AKAP9: variants seen among roughly 807,000 people sequenced by gnomAD.
AKAP9 encodes A-kinase anchoring protein 9.
AKAP9 carries 311 observed loss-of-function variants against 488.5 expected under a neutral mutation model. The observed-to-expected ratio is 0.64, with a 90% CI of 0.58 to 0.70. The LOEUF is 0.70. Ranked by LOEUF, AKAP9 falls within the 30% of genes least tolerant of loss-of-function variation. The probability of loss-of-function intolerance (pLI) is 0.00; values close to 1 mark genes in which losing one functional copy is unlikely to be tolerated. For synonymous variants in AKAP9, 1,462 were observed against 1,483.5 expected (o/e 0.99, Z 0.33); for missense variants, 4,215 against 4,374.5 (o/e 0.96, Z 1.03).
chr7:92,040,795 C>A lies in AKAP9; in HGVS notation c.4814C>A (p.Thr1605Lys). The change falls in exon 18 of 50, where the codon ACG becomes AAG. Residue 1605 changes from threonine to lysine, a missense_variant. Around this residue, in one of 5 missense-constraint regions of AKAP9, gnomAD observed 2,361 missense variants for 2,430.0 expected, o/e 0.97. Coordinates refer to ENST00000356239, the MANE Select transcript of AKAP9 (RefSeq NM_005751.5). ...VRQYQEHQQATELLRQAHMRQ... is the reference protein window; with the variant it reads ...VRQYQEHQQAKELLRQAHMRQ... ...CAATACCAAGAACATCAACAGGCAA[C>A]GGAATTGTTAAGGCAAGCACATATG... 6.2e-7 allele frequency: 1 copy of A among 1,613,644 alleles called. No homozygotes were observed. The highest frequency in any genetic ancestry group is 8.5e-7 in the Non-Finnish European group (1 of 1,179,966).
intron 22 of AKAP9, chr7:92,057,956 T>TA (rs930055817): frequency 8.5e-6 from 2 of 236,126 alleles, no homozygotes; most frequent in African/African-American, 2.2e-5. Context: ...GATAGAGACC[T>TA]AAGTTTTTTT....
chr7:92,040,082 A>G (rs11983077), intron 17 of AKAP9, among the ~76,000 whole-genome samples: 1,611 of 152,358 alleles, frequency 0.011, 25 homozygotes, highest in African/African-American at 0.037. Flanking sequence ...AATTATTTGT[A>G]TAAGTAACAT....
chr7:92,101,734 G>A (rs1817549319), intron 45 of AKAP9, among the ~76,000 whole-genome samples: 1 of 152,140 alleles, frequency 6.6e-6, no homozygotes, highest in Admixed American at 6.6e-5. Flanking sequence ...AGCCTCTCCG[G>A]TGACTAATAA....
At chr7:91,994,807 A>G (rs759369581) in intron 6 of AKAP9, 31 bp downstream of exon 6, 1 of 1,578,556 alleles carries the variant, frequency 6.3e-7, no homozygotes, top group Admixed American at 1.8e-5. Context: ...AAAATTCATT[A>G]TTTTTTTAGT....
At position 92,080,586 on chromosome 7, in the gene AKAP9, C is replaced by T. The variant is rs932811812; in HGVS notation, c.8019+434C>T. The stretch of plus-strand genomic sequence containing the variant: ...GCACACTCCAACCTGGGTGACAGAG[C>T]GAGACTCCATCTCAAAAAAAAAAAA... On this transcript the variant is annotated intron_variant, in intron 31 of 49. Coordinates refer to ENST00000356239, the MANE Select transcript of AKAP9 (RefSeq NM_005751.5). Among the ~76,000 whole-genome samples, 8 of 143,278 alleles carry T rather than the reference C, an allele frequency of 5.6e-5. 1 individual carries two copies. Among genetic ancestry groups the T allele is most frequent in the African/African-American group, 8.0e-5 (3 of 37,598 alleles). 94.0% of individuals were successfully genotyped at this position (143,278 alleles called of 152,430 possible).
intron 1 of AKAP9, among the ~76,000 whole-genome samples, chr7:91,969,077 A>G (rs1237837059): frequency 6.6e-6 from 1 of 151,904 alleles, no homozygotes; most frequent in Non-Finnish European, 1.5e-5. Flanking sequence ...AACCTGGGCA[A>G]CAAAGTGAAA....
chr7:91,955,470 A>G (rs1792869488), intron 1 of AKAP9, among the ~76,000 whole-genome samples: 1 of 152,166 alleles, frequency 6.6e-6, no homozygotes, highest in African/African-American at 2.4e-5. Flanking sequence ...TTGCTTTTCT[A>G]TACCACATAT....
At chr7:91,989,911 A>C (rs1359207515) in intron 3 of AKAP9, among the ~76,000 whole-genome samples, 1 of 152,052 alleles carries the variant, frequency 6.6e-6, no homozygotes, top group African/African-American at 2.4e-5. Context: ...ATGAGTTTTT[A>C]TGTGAAGGCC....
chr7:91,951,361 G>A (rs1200887727), intron 1 of AKAP9, among the ~76,000 whole-genome samples: 1 of 150,226 alleles, frequency 6.7e-6, no homozygotes, highest in African/African-American at 2.5e-5. Context: ...ATCTCACTCT[G>A]TTGCCCCAGC....
At chr7:92,097,443 T>C (rs998161120) in intron 41 of AKAP9, 86 bp downstream of exon 41, 2 of 1,537,890 alleles carry the variant, frequency 1.3e-6, no homozygotes, top group Non-Finnish European at 1.8e-6. Flanking sequence ...ATTAAATTAC[T>C]TAAATAGCTA....
intron 12 of AKAP9, among the ~76,000 whole-genome samples, chr7:92,018,393 A>C (rs1801815152): frequency 1.0e-5 from 1 of 96,360 alleles, no homozygotes; most frequent in Non-Finnish European, 2.1e-5. Flanking sequence ...TTCTAAAAAT[A>C]TAACACACAC....
At chr7:91,950,472 C>T (rs866825599) in intron 1 of AKAP9, among the ~76,000 whole-genome samples, 1 of 152,028 alleles carries the variant, frequency 6.6e-6, no homozygotes, top group African/African-American at 2.4e-5. Flanking sequence ...CCTCATGATC[C>T]GCCTGCCTCG....
chr7:92,057,428 G>T (rs1401388035), intron 22 of AKAP9, among the ~76,000 whole-genome samples: 2 of 152,032 alleles, frequency 1.3e-5, no homozygotes, highest in African/African-American at 4.8e-5. Flanking sequence ...CCCTTTCAAA[G>T]CCCTGACGTG....
chr7:91,997,575 C>T (rs1798552527), intron 7 of AKAP9, among the ~76,000 whole-genome samples: 1 of 152,108 alleles, frequency 6.6e-6, no homozygotes, highest in African/African-American at 2.4e-5. Flanking sequence ...CATAAAGACT[C>T]AGGATGAAAC....
intron 16 of AKAP9, among the ~76,000 whole-genome samples, chr7:92,037,325 A>G (rs1442354346): frequency 3.3e-5 from 5 of 152,186 alleles, no homozygotes; most frequent in Non-Finnish European, 2.9e-5. Flanking sequence ...TAGCACAGGA[A>G]CCAGGTGGGA....
At chr7:92,080,369 C>T (rs935908904) in intron 31 of AKAP9, among the ~76,000 whole-genome samples, 12 of 152,152 alleles carry the variant, frequency 7.9e-5, no homozygotes, top group East Asian at 1.9e-4. Context: ...GAGGCCGAGG[C>T]GGGTGGATCT....
intron 47 of AKAP9, 131 bp from the exon 48 acceptor site, chr7:92,107,162 G>T: frequency 2.2e-6 from 2 of 924,404 alleles, no homozygotes; most frequent in Non-Finnish European, 3.2e-6. Flanking sequence ...AAGAATAATA[G>T]AAAATGACTA....
At chr7:92,000,740 ATTTTTT>A in intron 7 of AKAP9, 102 bp from the exon 8 acceptor site, 1 of 638,864 alleles carries the variant, frequency 1.6e-6, no homozygotes. Context: ...TTTTTGTAGA[ATTTTTT>A]AAAAGAGAAA....
At chr7:91,988,003 C>G (rs1033225179) in intron 3 of AKAP9, among the ~76,000 whole-genome samples, 2 of 152,010 alleles carry the variant, frequency 1.3e-5, no homozygotes, top group African/African-American at 4.8e-5. Flanking sequence ...GAGACATCAT[C>G]TCTACAAATT....
Sources: allele counts gnomAD v4.1 joint callset (sites outside exome capture counted in the v4.1 genomes callset), GRCh38; gene constraint gnomAD v4.1.1; regional missense constraint gnomAD v4.1.1; transcripts MANE v1.5; gene names NCBI Gene and HGNC (gene_info 2026-07-23, HGNC 2026-07-21).